The following OSBPL1A variants were observed in gnomAD, a reference collection of about 807,000 sequenced individuals.
OSBPL1A encodes oxysterol binding protein like 1A.
A neutral mutation model predicts 137.1 loss-of-function variants in OSBPL1A; 80 were observed. The observed-to-expected ratio is 0.58, with a 90% CI of 0.49 to 0.70. The LOEUF (loss-of-function observed/expected upper bound fraction) is 0.70. Among genes scored for constraint, OSBPL1A ranks in the 30% least tolerant of loss-of-function variants. The pLI, the probability that OSBPL1A is intolerant of heterozygous loss-of-function variation, is 0.00. For synonymous variants in OSBPL1A, 365 were observed against 389.7 expected (o/e 0.94, Z 0.75); for missense variants, 970 against 1,129.4 (o/e 0.86, Z 2.02).
At chr18:24,190,508 T>G (rs1201220584) in intron 18 of OSBPL1A, among the ~76,000 whole-genome samples, 1 of 152,126 alleles carries the variant, frequency 6.6e-6, no homozygotes, top group Non-Finnish European at 1.5e-5. Flanking sequence ...CAAGAACCAT[T>G]AACTTACATT....
intron 2 of OSBPL1A, chr18:24,368,659 C>T: frequency 3.7e-6 from 1 of 270,016 alleles, no homozygotes. Context: ...CTTCTTGACT[C>T]TAGGGCTCCG....
chr18:24,163,151 T>C lies in OSBPL1A; in HGVS notation c.*28A>G, dbSNP rs373110866. 4 of 1,512,474 alleles carry C rather than the reference T, an allele frequency of 2.6e-6. No homozygotes were observed. The highest frequency in any genetic ancestry group is 3.6e-5 in the Admixed American group (2 of 55,410). The allele number at this position is 1,512,474 out of a possible 1,614,324, so 93.7% of individuals were successfully genotyped here. A position where few individuals can be genotyped will look rare whatever the true frequency, so the allele number is the denominator to read the frequency against. On this transcript the variant is annotated 3_prime_UTR_variant, in exon 28 of 28. Coordinates refer to ENST00000319481, the MANE Select transcript of OSBPL1A (RefSeq NM_080597.4). ...ATAGGTTTAAGACTTATTTGTAGAT[T>C]AGCCAAACACCCTGACTTGTATGCA...
At chr18:24,303,581 C>T in intron 14 of OSBPL1A, 56 bp downstream of exon 14, 2 of 1,361,210 alleles carry the variant, frequency 1.5e-6, no homozygotes, top group South Asian at 2.6e-5. Flanking sequence ...AAAACTACAA[C>T]AGGTCAGTAT....
chr18:24,256,459 A>G (rs1351090827), intron 15 of OSBPL1A, among the ~76,000 whole-genome samples: 1 of 152,190 alleles, frequency 6.6e-6, no homozygotes, highest in African/African-American at 2.4e-5. Context: ...CTGGTATAAA[A>G]GGAACACACC....
chr18:24,229,891 T>C (rs957245646), intron 16 of OSBPL1A, among the ~76,000 whole-genome samples: 40 of 152,040 alleles, frequency 2.6e-4, no homozygotes, highest in Non-Finnish European at 3.5e-4. Flanking sequence ...CCTGGGACTA[T>C]AAGCGCGCGC....
chr18:24,198,722 C>G (rs561821777), intron 17 of OSBPL1A, among the ~76,000 whole-genome samples: 1 of 152,098 alleles, frequency 6.6e-6, no homozygotes, highest in East Asian at 1.9e-4. Flanking sequence ...ACAGTCTAAG[C>G]CCATAGCATG....
At chr18:24,376,777 G>A (rs1200758130) in intron 2 of OSBPL1A, among the ~76,000 whole-genome samples, 1 of 152,244 alleles carries the variant, frequency 6.6e-6, no homozygotes, top group Non-Finnish European at 1.5e-5. Context: ...CCGGTGGGCT[G>A]GCACTGCTGG....
At chr18:24,329,979 C>T (rs1279937857) in intron 7 of OSBPL1A, among the ~76,000 whole-genome samples, 2 of 152,114 alleles carry the variant, frequency 1.3e-5, no homozygotes, top group Non-Finnish European at 2.9e-5. Context: ...CTATTTTCCT[C>T]AAAGCTGATT....
chr18:24,249,040 C>T (rs930557286), intron 15 of OSBPL1A, among the ~76,000 whole-genome samples: 4 of 152,214 alleles, frequency 2.6e-5, no homozygotes, highest in Admixed American at 2.6e-4. Flanking sequence ...CACATTTACT[C>T]CAATGCTTTG....
intron 18 of OSBPL1A, among the ~76,000 whole-genome samples, chr18:24,195,401 T>A (rs1240022558): frequency 6.6e-6 from 1 of 152,184 alleles, no homozygotes; most frequent in African/African-American, 2.4e-5. Context: ...GAATGAAGTG[T>A]GCATGAGGTG....
chr18:24,231,344 G>A (rs1245138851), intron 16 of OSBPL1A, among the ~76,000 whole-genome samples: 1 of 152,190 alleles, frequency 6.6e-6, no homozygotes, highest in Non-Finnish European at 1.5e-5. Context: ...CCAGTCTGGA[G>A]TGCAGTGGCG....
At chr18:24,324,093 A>G in intron 7 of OSBPL1A, among the ~76,000 whole-genome samples, 1 of 78,952 alleles carries the variant, frequency 1.3e-5, no homozygotes, top group Admixed American at 1.0e-4. Context: ...AGTGGTGGTG[A>G]GCACTTGTAA....
chr18:24,267,153 T>TAA (rs35547594), intron 15 of OSBPL1A, among the ~76,000 whole-genome samples: 10 of 143,394 alleles, frequency 7.0e-5, no homozygotes, highest in Non-Finnish European at 1.5e-5. Flanking sequence ...CAACCTAAGT[T>TAA]AAAAAAAAAA....
At chr18:24,298,547 G>T (rs570943964) in intron 14 of OSBPL1A, among the ~76,000 whole-genome samples, 1 of 152,074 alleles carries the variant, frequency 6.6e-6, no homozygotes, top group Non-Finnish European at 1.5e-5. Context: ...GGGTTTCACC[G>T]TGTTAGCCAG....
In OSBPL1A at chr18:24,359,224, AAG is replaced by A. The variant is rs1415320795; in HGVS notation, c.282+7666_282+7667del. On this transcript the variant is annotated intron_variant, in intron 4 of 27. Transcript: ENST00000319481. ...CAGAGCGAGACCCTGTCTATAGAGA[AAG>A]AGACAGAGACAGAGAGAGAAAGAGA... Among the ~76,000 whole-genome samples, 139 of 151,696 alleles carry A rather than the reference AAG, an allele frequency of 9.2e-4. 1 individual carries two copies. Among genetic ancestry groups the A allele is most frequent in the African/African-American group, 3.3e-3 (138 of 41,414 alleles).
Position 24,252,863 on chromosome 18 carries a change from T to C in OSBPL1A, c.1282-13481A>G, listed in dbSNP as rs2146029991. On this transcript the variant is annotated intron_variant, in intron 15 of 27. Coordinates refer to ENST00000319481, the MANE Select transcript of OSBPL1A (RefSeq NM_080597.4). ...GTAGAGTTTTGATTAGTTTTCTTTT[T>C]GCATGTTTGTTTATGCAATCAGCGT... Among the ~76,000 whole-genome samples the C allele has an allele frequency of 1.3e-5, 2 of 152,290 alleles. 1 individual carries two copies. Among genetic ancestry groups the C allele is most frequent in the South Asian group, 4.1e-4 (2 of 4,822 alleles).
At chr18:24,285,555 C>A (rs1328218338) in intron 14 of OSBPL1A, among the ~76,000 whole-genome samples, 6 of 151,986 alleles carry the variant, frequency 3.9e-5, no homozygotes, top group African/African-American at 1.4e-4. Context: ...GAAATATTTC[C>A]ATCATTTGGG....
intron 21 of OSBPL1A, among the ~76,000 whole-genome samples, chr18:24,176,877 C>CA (rs1388774198): frequency 6.6e-6 from 1 of 152,084 alleles, no homozygotes; most frequent in Non-Finnish European, 1.5e-5. Flanking sequence ...AATGCAGCTT[C>CA]AGGGGACCCC....
At chr18:24,295,204 G>A (rs975292206) in intron 14 of OSBPL1A, among the ~76,000 whole-genome samples, 4 of 152,072 alleles carry the variant, frequency 2.6e-5, no homozygotes, top group Non-Finnish European at 5.9e-5. Context: ...TTGGTCAACT[G>A]TATATCTTCT....
Sources: gnomAD v4.1 joint callset for allele counts (sites outside exome capture counted in the v4.1 genomes callset) on GRCh38, gnomAD v4.1.1 for gene constraint, MANE v1.5 for transcripts, NCBI Gene and HGNC (gene_info 2026-07-23, HGNC 2026-07-21) for gene names.